Variants in GMDS observed in about 807,000 individuals in gnomAD.
GMDS encodes the protein GDP-mannose 4,6 dehydratase.
Under a neutral mutation model 49.9 loss-of-function variants are expected in GMDS, and 20 were observed. The ratio of observed to expected loss-of-function variants is 0.40; its 90% CI spans 0.28 to 0.58. The LOEUF (loss-of-function observed/expected upper bound fraction) is 0.58, where lower values mean the gene tolerates loss of function less well. Among genes scored for constraint, GMDS ranks in the 20% least tolerant of loss-of-function variants. The pLI, the probability that GMDS is intolerant of heterozygous loss-of-function variation, is 0.42. For missense variants in GMDS, 362 were observed against 481.4 expected, an observed-to-expected ratio of 0.75 and a Z score of 2.32; for synonymous variants, 177 against 178.6, an observed-to-expected ratio of 0.99 and a Z score of 0.07.
At chr6:2,182,975 T>C (rs1390101127) in intron 1 of GMDS, among the ~76,000 whole-genome samples, 1 of 152,188 alleles carries the variant, frequency 6.6e-6, no homozygotes, top group Non-Finnish European at 1.5e-5. Flanking sequence ...CCCAAAGTGC[T>C]GGGATTACAG....
rs67714741 is a variant in GMDS at position 1,641,704 on chromosome 6, TTC to T, written c.988-17166_988-17165del. ...GTACAGCTCGCGTCTCTCGGATGATTTCTCTCTCTCTCTCTCTCTCTCTCTCT... is the reference window on the plus strand; with the variant it reads ...GTACAGCTCGCGTCTCTCGGATGATTTCTCTCTCTCTCTCTCTCTCTCTCT... On this transcript the variant is annotated intron_variant, in intron 9 of 10. Coordinates refer to ENST00000380815, the MANE Select transcript of GMDS (RefSeq NM_001500.4). 2.3e-3 allele frequency among the ~76,000 whole-genome samples: 340 copies of T among 147,024 alleles called. 1 individual carries two copies. Among genetic ancestry groups the T allele is most frequent in the Admixed American group, 3.3e-3 (48 of 14,728 alleles).
chr6:1,878,940 T>C (rs149253057), intron 7 of GMDS, among the ~76,000 whole-genome samples: 3 of 152,334 alleles, frequency 2.0e-5, no homozygotes, highest in East Asian at 3.9e-4. Context: ...CTGGTGATTA[T>C]ACTTGGTTTC....
rs996414093 is a variant in GMDS, at chr6:1,914,300, C to T, written c.771+15803G>A. 2.6e-5 allele frequency among the ~76,000 whole-genome samples: 4 copies of T among 151,094 alleles called. No homozygotes were observed. The East Asian group carries it at 7.7e-4, about 29-fold the overall frequency. On this transcript the variant is annotated intron_variant, in intron 7 of 10. Coordinates refer to ENST00000380815, the MANE Select transcript of GMDS (RefSeq NM_001500.4). ...TGAAACCCCATCTCTACTAAAAATACAAAAAGTTAGCCTGGCGTGGTGGTG... is the reference window on the plus strand; with the variant it reads ...TGAAACCCCATCTCTACTAAAAATATAAAAAGTTAGCCTGGCGTGGTGGTG...
rs572638019 is a variant in GMDS at position 2,234,405 on chromosome 6, C to T, written c.102+10916G>A. 4.6e-5 allele frequency among the ~76,000 whole-genome samples: 7 copies of T among 152,216 alleles called. No homozygotes were observed. The East Asian group carries it at 1.4e-3, about 29-fold the overall frequency. On this transcript the variant is annotated intron_variant, in intron 1 of 10. Transcript: ENST00000380815. ...GGCAGATCACCTGAGGCCGGGAGTT[C>T]GAGACCAGCCTGGTCAACGTGGTGA...
intron 7 of GMDS, among the ~76,000 whole-genome samples, chr6:1,801,699 G>C (rs557246724): frequency 6.6e-6 from 1 of 152,320 alleles, no homozygotes; most frequent in Admixed American, 6.5e-5. Context: ...GGGCAGCCCC[G>C]GGCACAAGCC....
intron 9 of GMDS, among the ~76,000 whole-genome samples, chr6:1,707,533 C>A (rs889267323): frequency 2.0e-5 from 3 of 151,368 alleles, no homozygotes; most frequent in Admixed American, 6.6e-5. Context: ...GGGCTCCCCA[C>A]CTTCCTCCTC....
intron 7 of GMDS, among the ~76,000 whole-genome samples, chr6:1,828,506 A>C (rs1241640263): frequency 6.6e-6 from 1 of 152,236 alleles, no homozygotes; most frequent in Non-Finnish European, 1.5e-5. Context: ...AATTGTCAAA[A>C]GCCAAAGGTA....
intron 9 of GMDS, among the ~76,000 whole-genome samples, chr6:1,685,693 T>C (rs1391005715): frequency 6.6e-6 from 1 of 151,598 alleles, no homozygotes; most frequent in Non-Finnish European, 1.5e-5. Flanking sequence ...CACAGGGAGG[T>C]TGGTTGCTCA....
chr6:1,680,063 T>C (rs1469695489), intron 9 of GMDS: 1 of 152,252 alleles, frequency 6.6e-6, no homozygotes. Context: ...TAATTTCAAC[T>C]AGTCTGTAAT....
intron 7 of GMDS, among the ~76,000 whole-genome samples, chr6:1,744,883 G>A (rs879256880): frequency 2.0e-5 from 3 of 152,256 alleles, no homozygotes; most frequent in Non-Finnish European, 4.4e-5. Context: ...TGGCTTCACC[G>A]GGATCGGGCC....
intron 2 of GMDS, among the ~76,000 whole-genome samples, chr6:2,119,286 G>T (rs1157991943): frequency 6.6e-6 from 1 of 152,006 alleles, no homozygotes; most frequent in Admixed American, 6.6e-5. Context: ...AAATGATTTT[G>T]ATGCATTCCA....
chr6:1,721,233 G>A (rs1766375063), intron 9 of GMDS, among the ~76,000 whole-genome samples: 1 of 152,170 alleles, frequency 6.6e-6, no homozygotes. Context: ...AATTTGATCA[G>A]AAACAGGCCA....
intron 6 of GMDS, among the ~76,000 whole-genome samples, chr6:1,934,070 G>C (rs982639750): frequency 6.6e-6 from 1 of 152,040 alleles, no homozygotes; most frequent in African/African-American, 2.4e-5. Flanking sequence ...GTGATGAAAG[G>C]GTCTAACTTC....
chr6:1,691,054 G>C (rs1765150986), intron 9 of GMDS, among the ~76,000 whole-genome samples: 1 of 152,146 alleles, frequency 6.6e-6, no homozygotes, highest in African/African-American at 2.4e-5. Context: ...AAAAATATAT[G>C]CACACATATG....
At chr6:1,744,336 A>T (rs9405508) in intron 7 of GMDS, among the ~76,000 whole-genome samples, 149,191 of 152,260 alleles carry the variant, frequency 0.98, 73,106 homozygotes, top group East Asian at 1. Context: ...AACTGACGGA[A>T]GAAATTATCT....
chr6:1,868,379 C>T lies in GMDS; in HGVS notation c.771+61724G>A, dbSNP rs573698330. 5.9e-5 allele frequency among the ~76,000 whole-genome samples: 9 copies of T among 152,308 alleles called. 1 individual carries two copies. The South Asian group carries it at 1.9e-3, about 32-fold the overall frequency. On this transcript the variant is annotated intron_variant, in intron 7 of 10. Coordinates refer to ENST00000380815, the MANE Select transcript of GMDS (RefSeq NM_001500.4). Reference sequence around the variant, plus strand: ...AGGTAACCTGGAACATATTTTCCTACATGGATGAAGTAAATATGGAGTAAA... The same window carrying T: ...AGGTAACCTGGAACATATTTTCCTATATGGATGAAGTAAATATGGAGTAAA...
At chr6:1,793,211 T>C (rs184144319) in intron 7 of GMDS, among the ~76,000 whole-genome samples, 1 of 152,322 alleles carries the variant, frequency 6.6e-6, no homozygotes, top group Admixed American at 6.5e-5. Context: ...CCCAATGTCC[T>C]GTGTTCTATG....
At chr6:1,791,589 GAC>G (rs1414639285) in intron 7 of GMDS, among the ~76,000 whole-genome samples, 1 of 152,136 alleles carries the variant, frequency 6.6e-6, no homozygotes, top group Non-Finnish European at 1.5e-5. Flanking sequence ...ATTTTGGGGA[GAC>G]ACAATTCAGT....
At chr6:1,696,314 T>G (rs1010002794) in intron 9 of GMDS, among the ~76,000 whole-genome samples, 12 of 152,238 alleles carry the variant, frequency 7.9e-5, no homozygotes, top group Non-Finnish European at 1.5e-4. Flanking sequence ...GCAAAATGGC[T>G]AGGGCCTACG....
Sources: gnomAD v4.1 joint callset for allele counts (sites outside exome capture counted in the v4.1 genomes callset) on GRCh38, gnomAD v4.1.1 for gene constraint, MANE v1.5 for transcripts, NCBI Gene and HGNC (gene_info 2026-07-23, HGNC 2026-07-21) for gene names.